NRXN3: variants seen among roughly 807,000 people sequenced by gnomAD.
The protein encoded by NRXN3 is neurexin III.
Under a neutral mutation model 137.6 loss-of-function variants are expected in NRXN3, and 32 were observed. That is an observed-to-expected ratio of 0.23 (90% CI 0.18 to 0.31). The LOEUF (loss-of-function observed/expected upper bound fraction) is 0.31. Among genes scored for constraint, NRXN3 ranks in the 10% least tolerant of loss-of-function variants. The pLI is 1.00. For missense variants in NRXN3, 1,574 were observed against 2,062.5 expected (o/e 0.76, Z 4.59); for synonymous variants, 798 against 784.5 (o/e 1.02, Z -0.29).
Position 78,560,286 on chromosome 14 carries a change from T to C in NRXN3, c.758-84834T>C, listed in dbSNP as rs940542073. On this transcript the variant is annotated intron_variant, in intron 4 of 20. Coordinates refer to ENST00000335750, the MANE Select transcript of NRXN3 (RefSeq NM_001330195.2). ...AACATACTGGATTTTTCCCCCTAAA[T>C]TGACAACTAAAAATCATGCCATGCT... Among the ~76,000 whole-genome samples, 79 of 152,196 alleles carry C rather than the reference T, an allele frequency of 5.2e-4. 5 individuals carry two copies. Among genetic ancestry groups the C allele is most frequent in the African/African-American group, 2.4e-5 (1 of 41,446 alleles).
rs114026876 is a variant in NRXN3, at chr14:79,730,512, A to G, written c.4014+32575A>G. Among the ~76,000 whole-genome samples the G allele has an allele frequency of 8.3e-3, 1,260 of 152,360 alleles. 13 individuals carry two copies. The highest frequency in any genetic ancestry group is 0.028 in the African/African-American group (1,178 of 41,590). On this transcript the variant is annotated intron_variant, in intron 19 of 20. Transcript: ENST00000335750. ...TAACTAAATTGTGTTATCCAGACACATTAGTGAATCAAGTCTGGCATTTCA... is the reference window on the plus strand; with the variant it reads ...TAACTAAATTGTGTTATCCAGACACGTTAGTGAATCAAGTCTGGCATTTCA...
intron 15 of NRXN3, among the ~76,000 whole-genome samples, chr14:79,387,256 G>C (rs1599558948): frequency 6.6e-6 from 1 of 151,716 alleles, no homozygotes; most frequent in East Asian, 1.9e-4. Flanking sequence ...AAATTTACAA[G>C]AAAAAAACAA....
chr14:78,746,480 G>A (rs2098607862), intron 8 of NRXN3, among the ~76,000 whole-genome samples: 2 of 152,176 alleles, frequency 1.3e-5, no homozygotes, highest in Non-Finnish European at 2.9e-5. Context: ...ACTACTCTGT[G>A]AGATTTAGGA....
At chr14:78,245,712 G>A (rs1005664160) in intron 2 of NRXN3, among the ~76,000 whole-genome samples, 3 of 152,148 alleles carry the variant, frequency 2.0e-5, no homozygotes, top group Non-Finnish European at 4.4e-5. Context: ...GTCATGCATG[G>A]GCTATTGCAG....
intron 10 of NRXN3, among the ~76,000 whole-genome samples, chr14:78,854,094 A>G (rs183865536): frequency 1.3e-5 from 2 of 152,284 alleles, no homozygotes; most frequent in East Asian, 3.9e-4. Flanking sequence ...TACCTGTTGG[A>G]ATAATCCACT....
intron 4 of NRXN3, among the ~76,000 whole-genome samples, chr14:78,530,276 C>G (rs529232670): frequency 1.1e-4 from 16 of 152,300 alleles, no homozygotes; most frequent in African/African-American, 3.8e-4. Flanking sequence ...CACCAGGTTA[C>G]TTTTTATCTG....
chr14:78,827,271 GAAAA>G (rs11462484), intron 10 of NRXN3, among the ~76,000 whole-genome samples: 10 of 142,212 alleles, frequency 7.0e-5, no homozygotes, highest in African/African-American at 2.6e-4. Flanking sequence ...TGAGAGGACC[GAAAA>G]AAAAAAAAAA....
intron 16 of NRXN3, among the ~76,000 whole-genome samples, chr14:79,478,566 C>T (rs1285064914): frequency 6.6e-6 from 1 of 152,116 alleles, no homozygotes; most frequent in African/African-American, 2.4e-5. Context: ...CACCAATTAG[C>T]AGTTACCCTA....
intron 15 of NRXN3, among the ~76,000 whole-genome samples, chr14:79,305,981 G>C (rs1181707803): frequency 6.6e-6 from 1 of 152,220 alleles, no homozygotes; most frequent in Non-Finnish European, 1.5e-5. Flanking sequence ...CAATATATTT[G>C]TTTTAACCTG....
chr14:78,473,416 A>G (rs2095319282), intron 4 of NRXN3, among the ~76,000 whole-genome samples: 1 of 151,858 alleles, frequency 6.6e-6, no homozygotes, highest in Non-Finnish European at 1.5e-5. Flanking sequence ...AAAAAAAAAA[A>G]AATGAAAAAC....
intron 19 of NRXN3, among the ~76,000 whole-genome samples, chr14:79,803,914 T>C (rs149928188): frequency 0.041 from 5,482 of 135,214 alleles, 149 homozygotes; most frequent in Non-Finnish European, 0.061. Context: ...TATATATATG[T>C]ATATATATAT....
intron 4 of NRXN3, among the ~76,000 whole-genome samples, chr14:78,542,529 G>T (rs542360397): frequency 6.6e-6 from 1 of 152,362 alleles, no homozygotes; most frequent in South Asian, 2.1e-4. Context: ...TCTGCCAGTT[G>T]CTAAGACCTT....
At chr14:78,626,809 C>A (rs2097463453) in intron 4 of NRXN3, among the ~76,000 whole-genome samples, 1 of 152,198 alleles carries the variant, frequency 6.6e-6, no homozygotes, top group South Asian at 2.1e-4. Context: ...AGCACTGAGG[C>A]CTAGAGCACT....
chr14:79,805,747 T>C (rs951909713), intron 20 of NRXN3, among the ~76,000 whole-genome samples: 10 of 152,204 alleles, frequency 6.6e-5, no homozygotes, highest in Non-Finnish European at 1.5e-5. Flanking sequence ...TGTACTAATT[T>C]TGTTAACTGT....
chr14:79,615,076 G>A (rs1284050265), intron 16 of NRXN3, among the ~76,000 whole-genome samples: 1 of 152,068 alleles, frequency 6.6e-6, no homozygotes, highest in African/African-American at 2.4e-5. Context: ...GGATCTCCAG[G>A]GCTATCATAG....
intron 16 of NRXN3, among the ~76,000 whole-genome samples, chr14:79,615,490 T>C (rs1209296858): frequency 1.3e-5 from 2 of 152,180 alleles, no homozygotes; most frequent in Non-Finnish European, 2.9e-5. Context: ...AAGTGTACTG[T>C]ATGTATGTAT....
At chr14:78,796,319 G>C (rs942343428) in intron 8 of NRXN3, among the ~76,000 whole-genome samples, 2 of 152,194 alleles carry the variant, frequency 1.3e-5, no homozygotes, top group African/African-American at 2.4e-5. Flanking sequence ...TGTCACTCGG[G>C]TGGAAGTGGG....
At chr14:79,505,436 CAGAG>C (rs1260094639) in intron 16 of NRXN3, among the ~76,000 whole-genome samples, 2 of 152,030 alleles carry the variant, frequency 1.3e-5, no homozygotes, top group Non-Finnish European at 2.9e-5. Flanking sequence ...TTGTTGAAAG[CAGAG>C]AGAACATGAA....
At chr14:79,708,982 TGAGAGAGAGA>T (rs142447936) in intron 19 of NRXN3, among the ~76,000 whole-genome samples, 11 of 150,258 alleles carry the variant, frequency 7.3e-5, no homozygotes, top group East Asian at 3.9e-4. Flanking sequence ...TGTGTGTGTG[TGAGAGAGAGA>T]GAGAGAGACA....
Sources: allele counts gnomAD v4.1 joint callset (sites outside exome capture counted in the v4.1 genomes callset), GRCh38; gene constraint gnomAD v4.1.1; transcripts MANE v1.5; gene names NCBI Gene and HGNC (gene_info 2026-07-23, HGNC 2026-07-21).